PRIM1: variants seen among roughly 807,000 people sequenced by gnomAD.
PRIM1 encodes the protein DNA primase small subunit.
Under a neutral mutation model 60.2 loss-of-function variants are expected in PRIM1, and 38 were observed. That is an observed-to-expected ratio of 0.63 (90% CI 0.49 to 0.83). The LOEUF (loss-of-function observed/expected upper bound fraction) is 0.83. Among genes scored for constraint, PRIM1 ranks in the 40% least tolerant of loss-of-function variants. The pLI, the probability that PRIM1 is intolerant of heterozygous loss-of-function variation, is 0.00. For missense variants in PRIM1, 388 were observed against 506.2 expected, an observed-to-expected ratio of 0.77 and a Z score of 2.24; for synonymous variants, 158 against 160.2, an observed-to-expected ratio of 0.99 and a Z score of 0.10.
At chr12:56,739,395 T>C (rs1438501246) in intron 9 of PRIM1, 32 bp from the exon 10 acceptor site, 6 of 1,429,730 alleles carry the variant, frequency 4.2e-6, no homozygotes, top group Non-Finnish European at 5.7e-6. Context: ...AACTGATGAT[T>C]GTGGACTATA....
At chr12:56,742,398 C>T (rs944701473) in intron 7 of PRIM1, among the ~76,000 whole-genome samples, 12 of 150,972 alleles carry the variant, frequency 7.9e-5, no homozygotes, top group Admixed American at 4.0e-4. Context: ...GGTGAGACCC[C>T]GTCTCTATAA....
chr12:56,742,344 G>A (rs763843208), intron 7 of PRIM1, among the ~76,000 whole-genome samples: 2 of 151,976 alleles, frequency 1.3e-5, no homozygotes, highest in Non-Finnish European at 2.9e-5. Flanking sequence ...AATATTTTGG[G>A]AGGCTGAGGT....
At chr12:56,749,069 C>T (rs571470546) in intron 2 of PRIM1, among the ~76,000 whole-genome samples, 22 of 152,198 alleles carry the variant, frequency 1.4e-4, no homozygotes, top group South Asian at 2.1e-4. Flanking sequence ...AGTGCAGTGG[C>T]GTGATCTTGA....
chr12:56,742,460 T>C (rs1269538982), intron 7 of PRIM1, among the ~76,000 whole-genome samples: 4 of 151,898 alleles, frequency 2.6e-5, no homozygotes, highest in African/African-American at 9.7e-5. Flanking sequence ...TCCCAGCTAT[T>C]TGGGAGGCTG....
intron 2 of PRIM1, among the ~76,000 whole-genome samples, chr12:56,747,624 T>C (rs1471681552): frequency 6.6e-6 from 1 of 152,164 alleles, no homozygotes; most frequent in African/African-American, 2.4e-5. Context: ...CATATGCCTG[T>C]AGTCCCAGCT....
intron 9 of PRIM1, among the ~76,000 whole-genome samples, chr12:56,740,925 T>C (rs987323183): frequency 3.3e-5 from 5 of 152,106 alleles, no homozygotes; most frequent in African/African-American, 1.2e-4. Context: ...GTGATCCTCC[T>C]GCCTCAGCCT....
At chr12:56,745,894 A>G in intron 5 of PRIM1, 151 bp downstream of exon 5, 4 of 747,348 alleles carry the variant, frequency 5.4e-6, no homozygotes, top group Non-Finnish European at 8.0e-6. Context: ...AGCCAAGATC[A>G]TGCCATTGCA....
At chr12:56,732,491 C>T (rs1213053651) in intron 12 of PRIM1, among the ~76,000 whole-genome samples, 5 of 152,126 alleles carry the variant, frequency 3.3e-5, no homozygotes, top group Non-Finnish European at 7.4e-5. Flanking sequence ...CCTGTCTTGC[C>T]CAGATTTATC....
At chr12:56,745,600 T>A (rs1453154472) in intron 5 of PRIM1, among the ~76,000 whole-genome samples, 1 of 152,172 alleles carries the variant, frequency 6.6e-6, no homozygotes, top group Non-Finnish European at 1.5e-5. Flanking sequence ...TGACTTTAAA[T>A]GATCTATTGG....
intron 11 of PRIM1, among the ~76,000 whole-genome samples, chr12:56,734,660 C>T (rs1430528852): frequency 1.3e-5 from 2 of 150,864 alleles, no homozygotes; most frequent in Admixed American, 6.6e-5. Flanking sequence ...CTCCCAGCCT[C>T]GGCCTCTGAA....
At chr12:56,734,364 A>C in intron 11 of PRIM1, 119 bp from the exon 12 acceptor site, 2 of 599,396 alleles carry the variant, frequency 3.3e-6, no homozygotes, top group Non-Finnish European at 5.8e-6. Context: ...TGAGAGAAAC[A>C]TACATACTTT....
At chr12:56,745,447 AC>A (rs1304121851) in intron 5 of PRIM1, among the ~76,000 whole-genome samples, 4 of 151,930 alleles carry the variant, frequency 2.6e-5, no homozygotes, top group African/African-American at 4.8e-5. Flanking sequence ...AACCAAAAAA[AC>A]AAACCAAAAC....
At chr12:56,736,703 C>T (rs980073461) in intron 11 of PRIM1, among the ~76,000 whole-genome samples, 1 of 152,056 alleles carries the variant, frequency 6.6e-6, no homozygotes, top group African/African-American at 2.4e-5. Context: ...GGGGTTTAAC[C>T]GTGTTGGCCA....
intron 2 of PRIM1, 37 bp from the exon 3 acceptor site, chr12:56,747,069 C>T (rs1250815927): frequency 1.3e-6 from 2 of 1,483,908 alleles, no homozygotes; most frequent in East Asian, 2.3e-5. Flanking sequence ...TCTATAAGAG[C>T]TGCCACACTG....
chr12:56,740,462 T>C (rs1953864011), intron 9 of PRIM1, among the ~76,000 whole-genome samples: 1 of 152,054 alleles, frequency 6.6e-6, no homozygotes, highest in South Asian at 2.1e-4. Context: ...TAGGATACCA[T>C]ATAGAATTTA....
chr12:56,741,340 T>C (rs934534109), intron 9 of PRIM1, 95 bp downstream of exon 9: 11 of 1,277,592 alleles, frequency 8.6e-6, no homozygotes, highest in Admixed American at 6.3e-5. Context: ...CTTTAAATCA[T>C]AGACATTATA....
chr12:56,737,144 A>C (rs1953838843), intron 11 of PRIM1, among the ~76,000 whole-genome samples: 1 of 151,966 alleles, frequency 6.6e-6, no homozygotes, highest in Non-Finnish European at 1.5e-5. Context: ...AGGAGCATGA[A>C]CCCTATTGTG....
intron 7 of PRIM1, among the ~76,000 whole-genome samples, 193 bp downstream of exon 7, chr12:56,742,794 A>C (rs1953881965): frequency 6.6e-6 from 1 of 152,216 alleles, no homozygotes; most frequent in Non-Finnish European, 1.5e-5. Flanking sequence ...GAGAAAACTG[A>C]TTTGCAACAT....
chr12:56,749,402 A>G (rs1374617709), intron 2 of PRIM1, among the ~76,000 whole-genome samples: 1 of 152,244 alleles, frequency 6.6e-6, no homozygotes. Context: ...AAACACAAAA[A>G]GTAAATAAAG....
Sources: gnomAD v4.1 joint callset for allele counts (sites outside exome capture counted in the v4.1 genomes callset) on GRCh38, gnomAD v4.1.1 for gene constraint, MANE v1.5 for transcripts, NCBI Gene and HGNC (gene_info 2026-07-23, HGNC 2026-07-21) for gene names.